Variants in RTN4 observed in about 807,000 individuals in gnomAD.
RTN4 encodes reticulon 4.
RTN4 carries 32 observed loss-of-function variants against 90.4 expected under a neutral mutation model. That is an observed-to-expected ratio of 0.35 (90% CI 0.27 to 0.48). RTN4 has a LOEUF of 0.48. RTN4 is among the 20% of genes least tolerant of loss of function. The probability of loss-of-function intolerance (pLI) is 0.99; values close to 1 mark genes in which losing one functional copy is unlikely to be tolerated. For missense variants in RTN4, 1,706 were observed against 1,430.2 expected (o/e 1.19, Z -3.11); for synonymous variants, 629 against 552.5 (o/e 1.14, Z -1.94).
intron 3 of RTN4, among the ~76,000 whole-genome samples, chr2:55,022,446 G>A (rs946780518): frequency 3.9e-5 from 6 of 152,072 alleles, no homozygotes; most frequent in African/African-American, 1.4e-4. Flanking sequence ...GAAGATACTG[G>A]TTTCCCTGTG....
At chr2:54,983,244 A>G (rs1318435133) in intron 4 of RTN4, among the ~76,000 whole-genome samples, 1 of 152,062 alleles carries the variant, frequency 6.6e-6, no homozygotes, top group Non-Finnish European at 1.5e-5. Flanking sequence ...CTAGCAAAAC[A>G]TAAGAGTTAC....
intron 5 of RTN4, among the ~76,000 whole-genome samples, chr2:54,975,991 G>A (rs774054386): frequency 6.6e-6 from 1 of 152,128 alleles, no homozygotes; most frequent in Non-Finnish European, 1.5e-5. Flanking sequence ...ACTTCAGTTA[G>A]TAAGGCTTTT....
intron 5 of RTN4, among the ~76,000 whole-genome samples, chr2:54,976,870 T>C (rs1319823276): frequency 6.6e-6 from 1 of 152,236 alleles, no homozygotes; most frequent in Non-Finnish European, 1.5e-5. Flanking sequence ...CCAATACTTA[T>C]TAACTGAAGA....
the RTN4 span, among the ~76,000 whole-genome samples, chr2:55,121,362 T>C: frequency 6.6e-6 from 1 of 152,246 alleles, no homozygotes; most frequent in South Asian, 2.1e-4. Context: ...CCACAAGGAA[T>C]TGCCCTGGTA....
intron 5 of RTN4, among the ~76,000 whole-genome samples, chr2:54,979,724 G>C (rs988301781): frequency 6.6e-6 from 1 of 152,166 alleles, no homozygotes; most frequent in East Asian, 1.9e-4. Context: ...CTTTCATGGG[G>C]AGAAAAGGAC....
At chr2:55,046,185 AT>A (rs1199292219) in intron 1 of RTN4, among the ~76,000 whole-genome samples, 60 of 152,196 alleles carry the variant, frequency 3.9e-4, no homozygotes, top group African/African-American at 1.4e-3. Flanking sequence ...TGCTCTGCAC[AT>A]TTCTCACCTT....
At chr2:55,102,948 G>C (rs962131602) in intron 1 of RTN4, among the ~76,000 whole-genome samples, 2 of 151,582 alleles carry the variant, frequency 1.3e-5, no homozygotes, top group Non-Finnish European at 2.9e-5. Context: ...GAGAAACCCC[G>C]TCTCTACTAA....
chr2:55,128,668 A>C, the RTN4 span, among the ~76,000 whole-genome samples: 2 of 152,222 alleles, frequency 1.3e-5, no homozygotes, highest in South Asian at 4.1e-4. Context: ...AGCAACTCAC[A>C]ATTCAGAACA....
In RTN4 at chr2:55,048,363, A is replaced by G. The variant is rs542456256; in HGVS notation, c.556+1382T>C. ...TTTAGATATATTTTTTCAATAATAA[A>G]TCAACCTTAGCTTACTGTATCTTTT... On this transcript the variant is annotated intron_variant, in intron 1 of 8. Coordinates refer to ENST00000337526, the MANE Select transcript of RTN4 (RefSeq NM_020532.5). Among the ~76,000 whole-genome samples the G allele has an allele frequency of 2.3e-4, 35 of 152,310 alleles. 1 individual carries two copies. The highest frequency in any genetic ancestry group is 6.8e-3 in the Middle Eastern group (2 of 294).
the RTN4 span, among the ~76,000 whole-genome samples, chr2:55,126,972 T>G: frequency 6.6e-6 from 1 of 151,978 alleles, no homozygotes; most frequent in Non-Finnish European, 1.5e-5. Context: ...TAATAACTTA[T>G]GAACATGAAG....
chr2:55,007,855 A>G (rs1164612176), intron 3 of RTN4, among the ~76,000 whole-genome samples: 1 of 152,068 alleles, frequency 6.6e-6, no homozygotes, highest in Non-Finnish European at 1.5e-5. Flanking sequence ...TGTTCTACCC[A>G]GAAAGTTATT....
At chr2:54,979,886 T>C (rs1008856430) in intron 5 of RTN4, among the ~76,000 whole-genome samples, 2 of 152,232 alleles carry the variant, frequency 1.3e-5, no homozygotes, top group African/African-American at 2.4e-5. Flanking sequence ...CCTTGAGCTC[T>C]GGGCTTGCCA....
intron 1 of RTN4, among the ~76,000 whole-genome samples, chr2:55,110,230 G>C (rs1489173801): frequency 1.3e-5 from 2 of 150,774 alleles, no homozygotes; most frequent in Non-Finnish European, 2.9e-5. Context: ...AGGATTGCTT[G>C]AGCCTGGGAG....
intron 3 of RTN4, among the ~76,000 whole-genome samples, chr2:55,018,007 G>A (rs770293455): frequency 6.6e-6 from 1 of 152,128 alleles, no homozygotes; most frequent in Non-Finnish European, 1.5e-5. Flanking sequence ...TGTGAAACTA[G>A]GTAACAACTA....
upstream of RTN4, among the ~76,000 whole-genome samples, chr2:55,055,552 G>C (rs1472753234): frequency 6.6e-6 from 1 of 152,124 alleles, no homozygotes; most frequent in African/African-American, 2.4e-5. Flanking sequence ...CGGATCACGA[G>C]GTCAGGAGAT....
intron 1 of RTN4, among the ~76,000 whole-genome samples, chr2:55,088,878 A>G (rs994469846): frequency 3.9e-5 from 6 of 152,290 alleles, no homozygotes; most frequent in African/African-American, 1.4e-4. Flanking sequence ...AGGGCAGTTT[A>G]TTGGTCTCCC....
intron 1 of RTN4, among the ~76,000 whole-genome samples, chr2:55,042,003 T>A (rs1683107399): frequency 6.6e-6 from 1 of 152,044 alleles, no homozygotes; most frequent in Non-Finnish European, 1.5e-5. Flanking sequence ...ATTAAGTGAA[T>A]CTACATACAT....
rs766328522 is a variant in RTN4, at chr2:54,982,516, T to C, written c.3359A>G (p.Lys1120Arg). 6.2e-7 allele frequency: 1 copy of C among 1,607,346 alleles called. No individual in the cohort carries two copies. Among genetic ancestry groups the C allele is most frequent in the Non-Finnish European group, 8.5e-7 (1 of 1,178,204 alleles). ...AAATGAAAGGCAAAATAAACTTACC[T>C]TCAGAGAATCAACTAAATCATCAAC... ...FLVDDLVDSL[K>R]FAVLMWVFTY... is the part of the protein sequence containing the mutation. The change falls in exon 5 of 9, where the codon AAG (lysine) becomes AGG (arginine). Residue 1120 changes from lysine (K) to arginine (R), a missense_variant and splice_region_variant. By Grantham distance (26) the Lys-to-Arg change is conservative (BLOSUM62 2). Coordinates refer to ENST00000337526, the MANE Select transcript of RTN4 (RefSeq NM_020532.5).
chr2:55,022,731 A>G (rs138873694), intron 3 of RTN4, among the ~76,000 whole-genome samples: 1 of 152,104 alleles, frequency 6.6e-6, no homozygotes, highest in East Asian at 1.9e-4. Flanking sequence ...GGTGACTTCA[A>G]TGTTAGGTAG....
Sources: allele counts gnomAD v4.1 joint callset (sites outside exome capture counted in the v4.1 genomes callset), GRCh38; gene constraint gnomAD v4.1.1; transcripts MANE v1.5; gene names NCBI Gene and HGNC (gene_info 2026-07-23, HGNC 2026-07-21).